Variants in DPY30 observed in about 807,000 individuals in gnomAD.
DPY30 encodes the protein dpy-30 histone methyltransferase complex regulatory subunit.
A neutral mutation model predicts 16.2 loss-of-function variants in DPY30; 6 were observed. The observed-to-expected ratio is 0.37, with a 90% confidence interval of 0.20 to 0.73. DPY30 has a LOEUF of 0.73. DPY30 is among the 30% of genes least tolerant of loss of function. The pLI, the probability that DPY30 is intolerant of heterozygous loss-of-function variation, is 0.51. For synonymous variants in DPY30, 39 were observed against 38.8 expected, an observed-to-expected ratio of 1.00 and a Z score of -0.02; for missense variants, 73 against 113.1, an observed-to-expected ratio of 0.65 and a Z score of 1.61.
At chr2:32,039,187 C>G (rs1000925064) in intron 3 of DPY30, 92 bp downstream of exon 3, 1 of 1,521,258 alleles carries the variant, frequency 6.6e-7, no homozygotes, top group African/African-American at 1.4e-5. Context: ...AAAGTTTTCC[C>G]TTGTGCATAG....
chr2:32,033,891 G>A (rs1167538440), intron 3 of DPY30, among the ~76,000 whole-genome samples: 1 of 152,106 alleles, frequency 6.6e-6, no homozygotes, highest in African/African-American at 2.4e-5. Context: ...AGACAGTGTA[G>A]AACAGTGATC....
chr2:32,024,772 T>A (rs1018086413), intron 4 of DPY30, among the ~76,000 whole-genome samples: 1 of 152,246 alleles, frequency 6.6e-6, no homozygotes, highest in African/African-American at 2.4e-5. Context: ...AAGTGATTAG[T>A]CAAAGAAGCA....
At position 32,024,109 on chromosome 2, in the gene DPY30, T is replaced by C. The variant is rs1675248706; in HGVS notation, c.*75A>G. ...TTATACATCCAAAAAGAGGGAATGA[T>C]CATGGCAATTAAAGCTGCCTCTTAA... On this transcript the variant is annotated 3_prime_UTR_variant, in exon 5 of 5. Transcript: ENST00000342166. 5 of 1,561,338 alleles carry C rather than the reference T, an allele frequency of 3.2e-6. No homozygotes were observed. The South Asian group carries it at 3.5e-5, about 11-fold the overall frequency.
At chr2:32,022,593 C>T (rs1445250253), downstream of DPY30, among the ~76,000 whole-genome samples, 1 of 151,894 alleles carries the variant, frequency 6.6e-6, no homozygotes, top group African/African-American at 2.4e-5. Context: ...TCTCGGCTCA[C>T]TGCAACCTCT....
intron 3 of DPY30, among the ~76,000 whole-genome samples, chr2:32,036,483 A>C (rs533745671): frequency 1.0e-3 from 157 of 152,150 alleles, no homozygotes; most frequent in African/African-American, 3.4e-3. Flanking sequence ...CATCCTGGCT[A>C]ACACGGTGAA....
At chr2:32,033,672 AAAAC>A (rs1202230857) in intron 3 of DPY30, among the ~76,000 whole-genome samples, 3 of 152,264 alleles carry the variant, frequency 2.0e-5, no homozygotes, top group Admixed American at 1.3e-4. Context: ...ACTCCGTCTC[AAAAC>A]AAACAAACAA....
rs149706314 is a variant in DPY30, at chr2:32,025,977, G to A, written c.228-1721C>T. On this transcript the variant is annotated intron_variant, in intron 4 of 4. Transcript: ENST00000342166. ...CAAAAAATCAGCCAGGCGTGGTGGC[G>A]CACACCTGTAGTCACAGCTACTCAG... 9.7e-3 allele frequency among the ~76,000 whole-genome samples: 1,481 copies of A among 151,980 alleles called. 26 individuals are homozygous for A. Among genetic ancestry groups the A allele is most frequent in the South Asian group, 0.048 (231 of 4,812 alleles).
intron 4 of DPY30, among the ~76,000 whole-genome samples, chr2:32,024,795 A>G (rs1302852695): frequency 6.6e-6 from 1 of 152,236 alleles, no homozygotes; most frequent in East Asian, 1.9e-4. Flanking sequence ...ACTAATACAG[A>G]TAAGTAGGTT....
intron 5 of DPY30, chr2:32,012,996 G>C (rs889188880): frequency 5.9e-5 from 9 of 152,192 alleles, no homozygotes; most frequent in African/African-American, 2.2e-4. Context: ...AACAAAGAAA[G>C]CTTAGTATTT....
intron 5 of DPY30, among the ~76,000 whole-genome samples, chr2:32,014,017 A>C (rs1378202406): frequency 6.7e-6 from 1 of 149,098 alleles, no homozygotes; most frequent in African/African-American, 2.4e-5. Flanking sequence ...AAAGAAAGAA[A>C]GAGAGAAAGA....
At chr2:32,034,101 C>T (rs1156552606) in intron 3 of DPY30, among the ~76,000 whole-genome samples, 1 of 152,060 alleles carries the variant, frequency 6.6e-6, no homozygotes, top group Non-Finnish European at 1.5e-5. Context: ...AGAAGAAAGG[C>T]GCATGGAGAC....
intron 5 of DPY30, among the ~76,000 whole-genome samples, chr2:32,017,868 G>A (rs1038650358): frequency 2.0e-5 from 3 of 152,148 alleles, no homozygotes; most frequent in African/African-American, 7.2e-5. Flanking sequence ...CTAAGGCGAT[G>A]GCATTATGAG....
At chr2:32,014,485 CTTTTT>C (rs34360226) in intron 5 of DPY30, among the ~76,000 whole-genome samples, 1 of 141,114 alleles carries the variant, frequency 7.1e-6, no homozygotes, top group Non-Finnish European at 1.6e-5. Context: ...GAGATCCCAT[CTTTTT>C]TTTTTTTTTT....
At chr2:32,029,463 A>G in intron 4 of DPY30, 131 bp downstream of exon 4, 1 of 1,077,074 alleles carries the variant, frequency 9.3e-7, no homozygotes, top group Non-Finnish European at 1.3e-6. Context: ...TTATGGCTGA[A>G]TACTTTCTTA....
At chr2:32,017,317 A>T (rs1675084347) in intron 5 of DPY30, among the ~76,000 whole-genome samples, 1 of 151,934 alleles carries the variant, frequency 6.6e-6, no homozygotes, top group Non-Finnish European at 1.5e-5. Flanking sequence ...ACTGGGCTCC[A>T]CTCTTTAAGA....
chr2:32,039,391 C>A, intron 2 of DPY30, 30 bp downstream of exon 2: 1 of 1,614,126 alleles, frequency 6.2e-7, no homozygotes, highest in Non-Finnish European at 8.5e-7. Context: ...CCCTGCACAC[C>A]GCCACCCTGA....
At chr2:32,021,260 A>C (rs1421134785), downstream of DPY30, among the ~76,000 whole-genome samples, 1 of 151,960 alleles carries the variant, frequency 6.6e-6, no homozygotes, top group Non-Finnish European at 1.5e-5. Flanking sequence ...TCCGTCTAAA[A>C]AGCTTAATAA....
At chr2:32,033,846 T>G (rs140568185) in intron 3 of DPY30, among the ~76,000 whole-genome samples, 5 of 152,198 alleles carry the variant, frequency 3.3e-5, no homozygotes, top group Non-Finnish European at 7.3e-5. Context: ...AAAATAGATA[T>G]AGCCAAACTA....
At chr2:32,020,228 G>A (rs961725395), downstream of DPY30, among the ~76,000 whole-genome samples, 1 of 151,316 alleles carries the variant, frequency 6.6e-6, no homozygotes, top group Non-Finnish European at 1.5e-5. Flanking sequence ...GCTGGGCACA[G>A]TGGCTCTCAC....
Sources: allele counts gnomAD v4.1 joint callset (sites outside exome capture counted in the v4.1 genomes callset), GRCh38; gene constraint gnomAD v4.1.1; transcripts MANE v1.5; gene names NCBI Gene and HGNC (gene_info 2026-07-23, HGNC 2026-07-21).